XDH: variants seen among roughly 807,000 people sequenced by gnomAD.
The protein encoded by XDH is xanthine dehydrogenase/oxidase.
A neutral mutation model predicts 156.1 loss-of-function variants in XDH; 138 were observed. That is an observed-to-expected ratio of 0.88 (90% CI 0.77 to 1.02). The LOEUF (loss-of-function observed/expected upper bound fraction) is 1.02. XDH is among the 50% of genes least tolerant of loss of function. The pLI is 0.00. For synonymous variants in XDH, 669 were observed against 625.7 expected, an observed-to-expected ratio of 1.07 and a Z score of -1.03; for missense variants, 1,849 against 1,684.9, an observed-to-expected ratio of 1.10 and a Z score of -1.71.
rs868673474 is a variant in XDH, at chr2:31,341,334, C to T, written c.3580G>A (p.Gly1194Arg). The stretch of plus-strand genomic sequence containing the variant: ...CTGGTCCCACTGAGCCTCACCTGTC[C>T]AATATCAATGGCAGGGTTTAGACTG... Reference protein sequence around the residue: ...GSSLNPAIDIGQVEGAFVQGL... With the variant: ...GSSLNPAIDIRQVEGAFVQGL... Residue 1194 changes from glycine (G) to arginine (R), a missense_variant, in exon 33 of 36, where the codon GGA becomes AGA. Coordinates refer to ENST00000379416, the MANE Select transcript of XDH (RefSeq NM_000379.4). 1.9e-6 allele frequency: 3 copies of T among 1,572,264 alleles called. No homozygotes were observed. The highest frequency in any genetic ancestry group is 1.7e-4 in the Middle Eastern group (1 of 6,014).
Position 31,414,657 on chromosome 2 carries a change from C to A in XDH, c.10G>T (p.Asp4Tyr). The A allele has an allele frequency of 1.9e-6, 3 of 1,614,124 alleles. No homozygotes were observed. Among genetic ancestry groups the A allele is most frequent in the Non-Finnish European group, 2.5e-6 (3 of 1,179,996 alleles). Residue 4 changes from aspartate (D) to tyrosine (Y), a missense_variant, in exon 1 of 36, where the codon GAC becomes TAC. Physicochemically the swap from Asp to Tyr is radical, Grantham distance 160. Coordinates refer to ENST00000379416, the MANE Select transcript of XDH (RefSeq NM_000379.4). The stretch of plus-strand genomic sequence containing the variant: ...CCATTCACAAAGAAAACCAATTTGT[C>A]TGCTGTCATTGTCACAGGTTGGGGT... The part of the protein sequence containing the change: MTA[D>Y]KLVFFVNGRK...
At chr2:31,365,734 T>A (rs111623910) in intron 22 of XDH, among the ~76,000 whole-genome samples, 190 bp from the exon 23 acceptor site, 1 of 152,306 alleles carries the variant, frequency 6.6e-6, no homozygotes, top group Non-Finnish European at 1.5e-5. Flanking sequence ...AGGTATGTGC[T>A]TTCATTTAGA....
At chr2:31,337,167 C>T (rs1403284467) in intron 35 of XDH, among the ~76,000 whole-genome samples, 1 of 152,070 alleles carries the variant, frequency 6.6e-6, no homozygotes, top group African/African-American at 2.4e-5. Context: ...ATCTATGTGT[C>T]CCCAGTATCA....
intron 6 of XDH, among the ~76,000 whole-genome samples, chr2:31,396,017 G>A (rs1686893068): frequency 2.6e-5 from 4 of 152,194 alleles, no homozygotes; most frequent in African/African-American, 7.2e-5. Flanking sequence ...TTTCTAGTGT[G>A]TGCTGTGGAC....
chr2:31,349,965 T>C (rs1685417390), intron 25 of XDH, 67 bp downstream of exon 25: 2 of 1,611,954 alleles, frequency 1.2e-6, no homozygotes, highest in Non-Finnish European at 1.7e-6. Context: ...ATGCCCAAGA[T>C]ACAAAGCCGC....
In XDH at chr2:31,392,416, A is replaced by ATTATTTAT. The variant is rs377227561; in HGVS notation, c.496-4129_496-4122dup. On this transcript the variant is annotated intron_variant, in intron 6 of 35. Transcript: ENST00000379416. ...CTGATTTTATTTGTATTTTATTTTT[A>ATTATTTAT]TTATTTATTTATTTATTTATTTATT... Among the ~76,000 whole-genome samples, 5 of 149,840 alleles carry ATTATTTAT rather than the reference A, an allele frequency of 3.3e-5. No individual in the cohort carries two copies. The South Asian group carries it at 6.3e-4, about 19-fold the overall frequency.
At chr2:31,383,255 A>G (rs1028937540) in intron 10 of XDH, 103 bp from the exon 11 acceptor site, 54 of 1,562,246 alleles carry the variant, frequency 3.5e-5, no homozygotes, top group Middle Eastern at 1.8e-4. Flanking sequence ...GCAAGGCTGA[A>G]TCAGGACTCA....
At chr2:31,407,364 C>A (rs139547508) in intron 1 of XDH, among the ~76,000 whole-genome samples, 69 of 152,218 alleles carry the variant, frequency 4.5e-4, no homozygotes, top group African/African-American at 1.6e-3. Flanking sequence ...GTGGAAGTGT[C>A]GCCTATGGAT....
Position 31,397,820 on chromosome 2 carries a change from C to G in XDH, c.434-91G>C, listed in dbSNP as rs999313367. The G allele has an allele frequency of 7.7e-6, 11 of 1,432,472 alleles. No individual in the cohort carries two copies. The African/African-American group carries it at 1.1e-4, about 15-fold the overall frequency. The allele number at this position is 1,432,472 out of a possible 1,614,324, so 88.7% of individuals were successfully genotyped here. A position where few individuals can be genotyped will look rare whatever the true frequency, so the allele number is the denominator to read the frequency against. ...TTTGCTTGCAACTAAGTTGGGTGCT[C>G]TCTTTACCAGGCTGCATATTCTGTT... On this transcript the variant is annotated intron_variant, in intron 5 of 35. Transcript: ENST00000379416.
chr2:31,394,484 A>G (rs956261012), intron 6 of XDH, among the ~76,000 whole-genome samples: 1 of 152,064 alleles, frequency 6.6e-6, no homozygotes, highest in African/African-American at 2.4e-5. Context: ...TGAATATCAC[A>G]TGCCTTGGTA....
At chr2:31,378,107 A>AAAGAAAGAAAGAAAGGAAGG (rs1686309264) in intron 13 of XDH, among the ~76,000 whole-genome samples, 1 of 54,472 alleles carries the variant, frequency 1.8e-5, no homozygotes, top group African/African-American at 7.9e-5. Context: ...AGAAAGAAAG[A>AAAGAAAGAAAGAAAGGAAGG]AAGGAAGGAA....
intron 29 of XDH, 91 bp from the exon 30 acceptor site, chr2:31,346,934 C>T (rs1325382373): frequency 2.0e-6 from 3 of 1,530,432 alleles, no homozygotes; most frequent in Admixed American, 1.7e-5. Context: ...AGGCTACCTC[C>T]AAGCAATGCT....
At position 31,375,402 on chromosome 2, in the gene XDH, A is replaced by G; in HGVS notation, c.1580T>C (p.Leu527Pro). ...FKFYLTVLQK[L>P]GQENLEDKCG... is the part of the protein sequence containing the mutation. ...CACGTCTTCCAGGTTCTCTTGGCCC[A>G]GCTTCTGAAGGACTGTCAGGTAGAA... Residue 527 changes from leucine to proline, a missense_variant, in exon 15 of 36, where the codon CTG becomes CCG. Physicochemically the swap from Leu to Pro is moderately conservative, Grantham distance 98 (BLOSUM62 -3). Transcript: ENST00000379416. 2 of 1,614,200 alleles carry G rather than the reference A, an allele frequency of 1.2e-6. No individual in the cohort carries two copies.
chr2:31,350,176 G>A lies in XDH; in HGVS notation c.2679C>T (p.Pro893=). 1 of 1,614,170 alleles carries A rather than the reference G, an allele frequency of 6.2e-7. No homozygotes were observed. Among genetic ancestry groups the A allele is most frequent in the Non-Finnish European group, 8.5e-7 (1 of 1,180,036 alleles). ...LFHMDNCYKI[P]NIRGTGRLCK... is the part of the protein sequence containing the mutation. ...ACAGCCGCCCAGTGCCCCGGATGTT[G>A]GGGATTTTATAGCAGTTGTCCATGT... is the stretch of plus-strand genomic sequence containing the variant. Residue 893 remains proline (P), a synonymous_variant, in exon 25 of 36, where the codon CCC becomes CCT. Transcript: ENST00000379416.
At chr2:31,353,091 T>TA (rs1221546371) in intron 24 of XDH, among the ~76,000 whole-genome samples, 2 of 151,996 alleles carry the variant, frequency 1.3e-5, no homozygotes, top group South Asian at 2.1e-4. Context: ...AATTAAGATT[T>TA]AAAAAACTGT....
intron 6 of XDH, among the ~76,000 whole-genome samples, chr2:31,388,562 A>C (rs954553031): frequency 5.9e-5 from 9 of 152,212 alleles, no homozygotes; most frequent in African/African-American, 1.9e-4. Flanking sequence ...CATAAAAGCT[A>C]GGTCCTACTT....
intron 17 of XDH, among the ~76,000 whole-genome samples, chr2:31,370,740 C>A (rs992460880): frequency 6.6e-6 from 1 of 152,198 alleles, no homozygotes; most frequent in Non-Finnish European, 1.5e-5. Flanking sequence ...TGGCTCATGC[C>A]TATAATCCCA....
At chr2:31,346,695 C>A in intron 30 of XDH, 74 bp downstream of exon 30, 3 of 1,560,096 alleles carry the variant, frequency 1.9e-6, no homozygotes, top group Non-Finnish European at 2.7e-6. Flanking sequence ...ATTACTTGTT[C>A]GGATTCGGAA....
chr2:31,368,135 G>A, intron 19 of XDH, 78 bp from the exon 20 acceptor site: 1 of 1,316,546 alleles, frequency 7.6e-7, no homozygotes, highest in Non-Finnish European at 1.1e-6. Context: ...GGAAAGAGAA[G>A]CTCTCTGAAT....
Sources: gnomAD v4.1 joint callset for allele counts (sites outside exome capture counted in the v4.1 genomes callset) on GRCh38, gnomAD v4.1.1 for gene constraint, MANE v1.5 for transcripts, NCBI Gene and HGNC (gene_info 2026-07-23, HGNC 2026-07-21) for gene names.